The following NEDD4L variants were observed in gnomAD, a reference collection of about 807,000 sequenced individuals.
NEDD4L encodes the protein E3 ubiquitin-protein ligase NEDD4-like.
Under a neutral mutation model 148.9 loss-of-function variants are expected in NEDD4L, and 54 were observed. The observed-to-expected ratio is 0.36, with a 90% CI of 0.29 to 0.45. NEDD4L has a LOEUF of 0.45. Among genes scored for constraint, NEDD4L ranks in the 20% least tolerant of loss-of-function variants. The probability of loss-of-function intolerance (pLI) is 1.00; values close to 1 mark genes in which losing one functional copy is unlikely to be tolerated. For synonymous variants in NEDD4L, 433 were observed against 440.7 expected (o/e 0.98, Z 0.22); for missense variants, 856 against 1,233.8 (o/e 0.69, Z 4.59).
At chr18:58,222,121 G>A (rs1161772416) in intron 2 of NEDD4L, among the ~76,000 whole-genome samples, 2 of 152,152 alleles carry the variant, frequency 1.3e-5, no homozygotes, top group African/African-American at 2.4e-5. Context: ...AACAGAGACC[G>A]CTGAAGTTCT....
intron 23 of NEDD4L, 183 bp from the exon 24 acceptor site, chr18:58,372,991 G>A: frequency 1.9e-6 from 1 of 536,748 alleles, no homozygotes. Context: ...TACAACTAAA[G>A]CAGTTTGTTT....
intron 2 of NEDD4L, among the ~76,000 whole-genome samples, chr18:58,214,815 T>TTTTTTTTTTTTTTTTTTTTTA (rs1291603873): frequency 7.9e-6 from 1 of 127,122 alleles, no homozygotes; most frequent in Non-Finnish European, 1.7e-5. Context: ...TTTTTTTTTT[T>TTTTTTTTTTTTTTTTTTTTTA]TTGTTGTTGT....
intron 10 of NEDD4L, 73 bp from the exon 11 acceptor site, chr18:58,330,665 A>G (rs1401192804): frequency 2.4e-6 from 3 of 1,237,258 alleles, no homozygotes; most frequent in East Asian, 5.2e-5. Context: ...TTGTTGTTAC[A>G]TGGTTTCATT....
intron 1 of NEDD4L, among the ~76,000 whole-genome samples, chr18:58,146,644 T>A (rs980238787): frequency 1.3e-5 from 2 of 152,004 alleles, no homozygotes; most frequent in African/African-American, 4.8e-5. Flanking sequence ...CAAGCTTCAG[T>A]GTGACAAGGA....
At chr18:58,092,477 G>A (rs1255550921) in intron 1 of NEDD4L, among the ~76,000 whole-genome samples, 1 of 152,164 alleles carries the variant, frequency 6.6e-6, no homozygotes, top group African/African-American at 2.4e-5. Context: ...GATCACAGAT[G>A]CTGAACGGGT....
chr18:58,200,185 A>C (rs918444225), intron 2 of NEDD4L, among the ~76,000 whole-genome samples: 5 of 152,212 alleles, frequency 3.3e-5, no homozygotes, highest in African/African-American at 1.2e-4. Flanking sequence ...GTGCCCAGAT[A>C]ATTTTGAACC....
At chr18:58,167,684 C>G (rs564410808) in intron 2 of NEDD4L, among the ~76,000 whole-genome samples, 1 of 152,028 alleles carries the variant, frequency 6.6e-6, no homozygotes, top group South Asian at 2.1e-4. Flanking sequence ...TAATATCTTT[C>G]TCCTACTACT....
chr18:58,117,469 A>G (rs2085922572), intron 1 of NEDD4L, among the ~76,000 whole-genome samples: 1 of 152,204 alleles, frequency 6.6e-6, no homozygotes, highest in Admixed American at 6.5e-5. Context: ...GGGGAACTGC[A>G]TTATAGTGGA....
At chr18:58,174,966 G>A (rs944931860) in intron 2 of NEDD4L, among the ~76,000 whole-genome samples, 1 of 152,142 alleles carries the variant, frequency 6.6e-6, no homozygotes, top group Non-Finnish European at 1.5e-5. Flanking sequence ...TAATGGAGAA[G>A]CTTCTGAAAG....
At chr18:58,328,212 G>A (rs1266600686) in intron 9 of NEDD4L, among the ~76,000 whole-genome samples, 3 of 152,064 alleles carry the variant, frequency 2.0e-5, no homozygotes, top group Non-Finnish European at 4.4e-5. Flanking sequence ...TGATCCGCCC[G>A]CCTTGGCCTC....
chr18:58,185,705 C>T (rs1478785350), intron 2 of NEDD4L, among the ~76,000 whole-genome samples: 1 of 152,152 alleles, frequency 6.6e-6, no homozygotes, highest in Admixed American at 6.5e-5. Flanking sequence ...GAAACCCCAT[C>T]TCTACTAAAA....
At chr18:58,181,678 G>A (rs891521404) in intron 2 of NEDD4L, among the ~76,000 whole-genome samples, 2 of 152,036 alleles carry the variant, frequency 1.3e-5, no homozygotes, top group African/African-American at 2.4e-5. Context: ...GGCCTCAAGC[G>A]ATCCTCCTGT....
At chr18:58,376,056 G>T (rs1013733105) in intron 24 of NEDD4L, among the ~76,000 whole-genome samples, 32 of 152,198 alleles carry the variant, frequency 2.1e-4, no homozygotes, top group African/African-American at 7.5e-4. Context: ...AAGTCTTTTC[G>T]TAGATTCATT....
intron 2 of NEDD4L, among the ~76,000 whole-genome samples, chr18:58,244,310 C>T (rs187616502): frequency 7.9e-5 from 12 of 152,080 alleles, no homozygotes; most frequent in African/African-American, 2.9e-4. Context: ...ACATGAGAGC[C>T]CTTTTTATGA....
chr18:58,179,865 G>A (rs960733610), intron 2 of NEDD4L, among the ~76,000 whole-genome samples: 1 of 152,122 alleles, frequency 6.6e-6, no homozygotes, highest in East Asian at 1.9e-4. Context: ...GAAATAAAGT[G>A]CACCATAAAT....
chr18:58,234,111 C>CTT (rs200491763), intron 2 of NEDD4L, among the ~76,000 whole-genome samples: 754 of 70,886 alleles, frequency 0.011, 9 homozygotes, highest in African/African-American at 0.033. Flanking sequence ...CTTTTCTTTT[C>CTT]TTTTCTTTTC....
rs553695285 is a variant in NEDD4L, at chr18:58,161,269, G to A, written c.49-4519G>A. ...TGGTCTTGAACTCCTGACCTCAAGTGATCCACCCATCTTGGCCTCCCAAAG... is the reference window on the plus strand; with the variant it reads ...TGGTCTTGAACTCCTGACCTCAAGTAATCCACCCATCTTGGCCTCCCAAAG... On this transcript the variant is annotated intron_variant, in intron 1 of 30. Coordinates refer to ENST00000400345, the MANE Select transcript of NEDD4L (RefSeq NM_001144967.3). Among the ~76,000 whole-genome samples the A allele has an allele frequency of 2.0e-5, 3 of 152,194 alleles. No homozygotes were observed. In the South Asian group the frequency reaches 6.2e-4, roughly 32 times the overall value.
chr18:58,096,500 T>C (rs1198607054), intron 1 of NEDD4L, among the ~76,000 whole-genome samples: 1 of 152,028 alleles, frequency 6.6e-6, no homozygotes, highest in Non-Finnish European at 1.5e-5. Flanking sequence ...ACCTCCCAGA[T>C]TCAAGCAATT....
intron 5 of NEDD4L, among the ~76,000 whole-genome samples, chr18:58,298,383 G>A (rs1441910089): frequency 6.6e-6 from 1 of 152,170 alleles, no homozygotes. Context: ...AAAATATGCA[G>A]CAACAATATA....
Sources: allele counts gnomAD v4.1 joint callset (sites outside exome capture counted in the v4.1 genomes callset), GRCh38; gene constraint gnomAD v4.1.1; transcripts MANE v1.5; gene names NCBI Gene and HGNC (gene_info 2026-07-23, HGNC 2026-07-21).